Variants in STK4 observed in about 807,000 individuals in gnomAD.
STK4 encodes serine/threonine kinase 4.
Under a neutral mutation model 64.9 loss-of-function variants are expected in STK4, and 30 were observed. The observed-to-expected ratio is 0.46, with a 90% CI of 0.35 to 0.63. The LOEUF is 0.63. Ranked by LOEUF, STK4 falls within the 20% of genes least tolerant of loss-of-function variation. STK4 has a pLI of 0.01. For missense variants in STK4, 466 were observed against 598.5 expected (o/e 0.78, Z 2.31); for synonymous variants, 177 against 199.0 (o/e 0.89, Z 0.93).
At chr20:44,984,019 G>A (rs2067485265) in intron 4 of STK4, among the ~76,000 whole-genome samples, 2 of 151,434 alleles carry the variant, frequency 1.3e-5, no homozygotes, top group Non-Finnish European at 2.9e-5. Flanking sequence ...TGGATTTCAG[G>A]GCTTCTTATA....
In STK4 at chr20:45,079,958, T is replaced by C. The variant is rs1980780287; in HGVS notation, c.*4782T>C. The C allele has an allele frequency of 6.6e-6, 1 of 152,244 alleles. No homozygotes were observed. Among genetic ancestry groups the C allele is most frequent in the South Asian group, 2.1e-4 (1 of 4,832 alleles). The allele number at this position is 152,244 out of a possible 1,614,324, so 9.4% of individuals were successfully genotyped here. The stretch of plus-strand genomic sequence containing the variant: ...AACTGTCCTTTGGACCACAAACCCT[T>C]ATTAACGAGAACCTCAATATATAGC... On this transcript the variant is annotated 3_prime_UTR_variant, in exon 11 of 11. Transcript: ENST00000372806.
At chr20:45,067,404 C>T (rs1016019150) in intron 10 of STK4, among the ~76,000 whole-genome samples, 1 of 152,142 alleles carries the variant, frequency 6.6e-6, no homozygotes, top group Non-Finnish European at 1.5e-5. Context: ...TGAAACTTGT[C>T]CTTAAAAGCT....
chr20:45,059,024 G>A (rs1485093226), intron 10 of STK4, among the ~76,000 whole-genome samples: 1 of 152,078 alleles, frequency 6.6e-6, no homozygotes, highest in Non-Finnish European at 1.5e-5. Context: ...CCTTGTCAAT[G>A]GGGGAATATG....
rs1202027919 is a variant in STK4, at chr20:45,079,645, G to A, written c.*4469G>A. The A allele has an allele frequency of 2.0e-5, 3 of 152,468 alleles. No individual in the cohort carries two copies. The highest frequency in any genetic ancestry group is 3.4e-3 in the Middle Eastern group (1 of 294). The allele number at this position is 152,468 out of a possible 1,614,324, so 9.4% of individuals were successfully genotyped here. ...CTCGGACCAACTTGGAAAAAAAAAA[G>A]CTTAAATGTTTTTGCTATGTACAGT... On this transcript the variant is annotated 3_prime_UTR_variant, in exon 11 of 11. Transcript: ENST00000372806.
chr20:45,041,460 C>T (rs2068612573), intron 10 of STK4, among the ~76,000 whole-genome samples: 1 of 152,104 alleles, frequency 6.6e-6, no homozygotes, highest in Admixed American at 6.6e-5. Flanking sequence ...AGATAGTCCT[C>T]ATTCTTTTTT....
intron 5 of STK4, among the ~76,000 whole-genome samples, chr20:44,991,807 C>T (rs754864744): frequency 6.6e-6 from 1 of 151,940 alleles, no homozygotes; most frequent in Admixed American, 6.6e-5. Context: ...GGACTACAGA[C>T]GCACACCACC....
chr20:45,042,978 A>G (rs887841259), intron 10 of STK4, among the ~76,000 whole-genome samples: 1 of 151,994 alleles, frequency 6.6e-6, no homozygotes, highest in Non-Finnish European at 1.5e-5. Context: ...TCCATTAGCT[A>G]TTCTTCCTGA....
At chr20:45,002,840 A>G (rs2067865116) in intron 9 of STK4, among the ~76,000 whole-genome samples, 1 of 152,078 alleles carries the variant, frequency 6.6e-6, no homozygotes, top group Admixed American at 6.6e-5. Flanking sequence ...TCTTAAGGTA[A>G]TGCAGGCTTC....
rs961351127 is a variant in STK4, at chr20:45,077,515, T to G, written c.*2339T>G. 3 of 152,808 alleles carry G rather than the reference T, an allele frequency of 2.0e-5. No homozygotes were observed. The highest frequency in any genetic ancestry group is 2.9e-5 in the Non-Finnish European group (2 of 68,486). The allele number at this position is 152,808 out of a possible 1,614,324, so 9.5% of individuals were successfully genotyped here. On this transcript the variant is annotated 3_prime_UTR_variant, in exon 11 of 11. Transcript: ENST00000372806. ...GCCTCCCGGGTTCAAGCGATTCTTC[T>G]GCTGGGATTACAGCATATGCCACCA... is the stretch of plus-strand genomic sequence containing the variant.
chr20:45,056,939 G>A (rs1813141933), intron 10 of STK4, among the ~76,000 whole-genome samples: 1 of 152,224 alleles, frequency 6.6e-6, no homozygotes, highest in African/African-American at 2.4e-5. Flanking sequence ...GACTGGAGCT[G>A]ATCCAAAGTC....
intron 1 of STK4, chr20:44,970,477 A>G (rs2067224451): frequency 6.6e-6 from 1 of 152,196 alleles, no homozygotes; most frequent in South Asian, 2.1e-4. Flanking sequence ...CAATGTTTAT[A>G]CAATTACAAT....
intron 10 of STK4, chr20:45,053,015 T>C: frequency 8.2e-7 from 1 of 1,219,330 alleles, no homozygotes; most frequent in Non-Finnish European, 1.2e-6. Flanking sequence ...TAAAGCTTGG[T>C]TTAAAGTATG....
chr20:45,063,975 T>G lies in STK4; in HGVS notation c.1306-11043T>G, dbSNP rs556134298. 1.4e-4 allele frequency among the ~76,000 whole-genome samples: 21 copies of G among 152,176 alleles called. No homozygotes were observed. In the South Asian group the frequency reaches 4.1e-3, roughly 30 times the overall value. On this transcript the variant is annotated intron_variant, in intron 10 of 10. Coordinates refer to ENST00000372806, the MANE Select transcript of STK4 (RefSeq NM_006282.5). ...GGCGCCCGCCACTATGCCCGGCTAA[T>G]TTTTTGTATGTTTTAGGAGAGACGG...
At chr20:44,987,696 G>T (rs1184656135) in intron 5 of STK4, among the ~76,000 whole-genome samples, 1 of 151,678 alleles carries the variant, frequency 6.6e-6, no homozygotes, top group Non-Finnish European at 1.5e-5. Flanking sequence ...AAAACACTCT[G>T]TTCGTTTGAG....
At chr20:45,002,133 A>C (rs572584131) in intron 9 of STK4, among the ~76,000 whole-genome samples, 10 of 152,226 alleles carry the variant, frequency 6.6e-5, no homozygotes, top group African/African-American at 2.4e-4. Flanking sequence ...TGAGCTACTG[A>C]CCTCTAGTTA....
chr20:45,033,754 AT>A (rs1449822906), intron 10 of STK4, among the ~76,000 whole-genome samples: 22 of 151,832 alleles, frequency 1.4e-4, no homozygotes, highest in Non-Finnish European at 3.2e-4. Context: ...TAATTTTTGT[AT>A]TTTTAGTAGA....
intron 10 of STK4, among the ~76,000 whole-genome samples, chr20:45,027,762 C>T (rs778880237): frequency 2.0e-5 from 3 of 152,188 alleles, no homozygotes; most frequent in Non-Finnish European, 4.4e-5. Flanking sequence ...CTTCATCCCT[C>T]TTTCACCTCT....
intron 9 of STK4, among the ~76,000 whole-genome samples, chr20:45,013,111 T>G (rs1318831123): frequency 1.3e-5 from 2 of 151,858 alleles, no homozygotes; most frequent in African/African-American, 2.4e-5. Flanking sequence ...GGTTTTTTTC[T>G]TATTAAGACC....
Position 45,075,629 on chromosome 20 carries a change from C to G in STK4, c.*453C>G, listed in dbSNP as rs1392699504. ...AGGTACAGTTTTAAACGGTTTGCCT[C>G]TTTTCTGTAAGATTATGGTACTGTG... On this transcript the variant is annotated 3_prime_UTR_variant, in exon 11 of 11. Transcript: ENST00000372806. The G allele has an allele frequency of 6.5e-6, 1 of 152,908 alleles. No homozygotes were observed. The highest frequency in any genetic ancestry group is 1.5e-5 in the Non-Finnish European group (1 of 68,286). The allele number at this position is 152,908 out of a possible 1,614,324, so 9.5% of individuals were successfully genotyped here.
Sources: gnomAD v4.1 joint callset for allele counts (sites outside exome capture counted in the v4.1 genomes callset) on GRCh38, gnomAD v4.1.1 for gene constraint, MANE v1.5 for transcripts, NCBI Gene and HGNC (gene_info 2026-07-23, HGNC 2026-07-21) for gene names.